LTBP1: variants seen among roughly 807,000 people sequenced by gnomAD.
The protein encoded by LTBP1 is latent-transforming growth factor beta-binding protein 1.
Under a neutral mutation model 207.6 loss-of-function variants are expected in LTBP1, and 129 were observed. The ratio of observed to expected loss-of-function variants is 0.62; its 90% CI spans 0.54 to 0.72. LTBP1 has a LOEUF of 0.72. Ranked by LOEUF, LTBP1 falls within the 30% of genes least tolerant of loss-of-function variation. The pLI, the probability that LTBP1 is intolerant of heterozygous loss-of-function variation, is 0.00. For missense variants in LTBP1, 2,281 were observed against 2,217.2 expected, an observed-to-expected ratio of 1.03 and a Z score of -0.58; for synonymous variants, 963 against 833.7, an observed-to-expected ratio of 1.16 and a Z score of -2.67.
intron 19 of LTBP1, among the ~76,000 whole-genome samples, chr2:33,285,023 A>G (rs1257751747): frequency 2.1e-5 from 3 of 146,214 alleles, no homozygotes; most frequent in Non-Finnish European, 4.5e-5. Context: ...AAAGTAAGTT[A>G]TGTATCACAT....
At chr2:33,388,235 G>C (rs1410767142) in intron 31 of LTBP1, among the ~76,000 whole-genome samples, 1 of 152,182 alleles carries the variant, frequency 6.6e-6, no homozygotes, top group Non-Finnish European at 1.5e-5. Context: ...GAGTCTAGGA[G>C]TCAGGGGGCC....
At chr2:33,169,204 G>A (rs952460091) in intron 5 of LTBP1, among the ~76,000 whole-genome samples, 7 of 152,156 alleles carry the variant, frequency 4.6e-5, no homozygotes, top group African/African-American at 7.2e-5. Flanking sequence ...CATGGGGAAC[G>A]TTTCTCTGCT....
At chr2:33,180,597 A>C (rs1284315275) in intron 5 of LTBP1, among the ~76,000 whole-genome samples, 1 of 151,788 alleles carries the variant, frequency 6.6e-6, no homozygotes, top group Non-Finnish European at 1.5e-5. Flanking sequence ...GACTACAGGT[A>C]CATGCCACCA....
chr2:33,209,915 G>T (rs17012668), intron 7 of LTBP1, among the ~76,000 whole-genome samples: 21,421 of 152,210 alleles, frequency 0.14, 1,923 homozygotes, highest in East Asian at 0.29. Context: ...GATGTCTCTA[G>T]TGCCATTTTA....
chr2:33,396,409 A>G (rs1475500370), intron 32 of LTBP1, among the ~76,000 whole-genome samples: 1 of 152,048 alleles, frequency 6.6e-6, no homozygotes, highest in East Asian at 1.9e-4. Flanking sequence ...TTTAGTAGAG[A>G]CAGGGTTTCA....
At chr2:33,309,782 C>A (rs1487182881) in intron 23 of LTBP1, among the ~76,000 whole-genome samples, 1 of 152,236 alleles carries the variant, frequency 6.6e-6, no homozygotes, top group African/African-American at 2.4e-5. Context: ...TGTGTCCTCA[C>A]TGCGTGCTTC....
intron 9 of LTBP1, among the ~76,000 whole-genome samples, chr2:33,241,471 G>C (rs1266117098): frequency 6.6e-6 from 1 of 152,216 alleles, no homozygotes; most frequent in East Asian, 1.9e-4. Flanking sequence ...GGCATTGGTT[G>C]TAAATCAGGT....
intron 31 of LTBP1, among the ~76,000 whole-genome samples, chr2:33,376,856 G>A (rs560466896): frequency 6.6e-6 from 1 of 152,140 alleles, no homozygotes; most frequent in African/African-American, 2.4e-5. Flanking sequence ...TTTGTGAAAG[G>A]GGCCAAATAA....
At chr2:33,178,525 A>C (rs959818769) in intron 5 of LTBP1, among the ~76,000 whole-genome samples, 1 of 149,936 alleles carries the variant, frequency 6.7e-6, no homozygotes, top group Admixed American at 6.6e-5. Flanking sequence ...AGCATTAAAA[A>C]TTTGTGGTAT....
At chr2:33,273,240 G>C (rs1325158078) in intron 15 of LTBP1, among the ~76,000 whole-genome samples, 1 of 152,042 alleles carries the variant, frequency 6.6e-6, no homozygotes, top group Non-Finnish European at 1.5e-5. Flanking sequence ...AAGTTACAAT[G>C]TGTTTCTTAT....
chr2:33,087,204 A>G (rs1168919759), intron 3 of LTBP1, among the ~76,000 whole-genome samples: 1 of 148,534 alleles, frequency 6.7e-6, no homozygotes, highest in Non-Finnish European at 1.5e-5. Context: ...CCTCACGAGT[A>G]TCTGGGACTA....
At chr2:33,390,776 C>G (rs925665837) in intron 32 of LTBP1, among the ~76,000 whole-genome samples, 13 of 152,096 alleles carry the variant, frequency 8.5e-5, no homozygotes, top group Admixed American at 2.0e-4. Flanking sequence ...TGTGAGCCAC[C>G]ATGCCTGGCC....
At chr2:33,176,557 G>A (rs114866753) in intron 5 of LTBP1, among the ~76,000 whole-genome samples, 1,673 of 152,172 alleles carry the variant, frequency 0.011, 31 homozygotes, top group African/African-American at 0.038. Context: ...TTAATATAGT[G>A]CTATTGACGT....
chr2:32,991,161 C>A (rs557031265), intron 2 of LTBP1, among the ~76,000 whole-genome samples: 6 of 152,230 alleles, frequency 3.9e-5, no homozygotes, highest in African/African-American at 1.4e-4. Flanking sequence ...CAAAAAGTTA[C>A]GAAACAGAAG....
At chr2:33,032,119 ATCTC>A (rs1156469926) in intron 3 of LTBP1, among the ~76,000 whole-genome samples, 4 of 152,030 alleles carry the variant, frequency 2.6e-5, no homozygotes, top group Non-Finnish European at 4.4e-5. Context: ...TCTAATGTTG[ATCTC>A]TCTCTCTACC....
At position 32,947,702 on chromosome 2, in the gene LTBP1, G is replaced by T. The variant is rs756735426; in HGVS notation, c.378G>T (p.Pro126=). The stretch of plus-strand genomic sequence containing the variant: ...TCCACCCCAATCCCGGCGGCCACCC[G>T]GCAGCCGCCCCGTTCACCAAACAAG... ...GQLHPNPGGH[P]AAAPFTKQGR... Residue 126 remains proline (P), a synonymous_variant, in exon 1 of 34, where the codon CCG becomes CCT. Coordinates refer to ENST00000404816, the MANE Select transcript of LTBP1 (RefSeq NM_206943.4). The T allele has an allele frequency of 2.0e-6, 3 of 1,521,962 alleles. No individual in the cohort carries two copies. The highest frequency in any genetic ancestry group is 2.9e-5 in the African/African-American group (2 of 69,574). 94.3% of individuals were successfully genotyped at this position (1,521,962 alleles called of 1,614,324 possible).
chr2:33,250,825 A>G (rs2092662295), intron 10 of LTBP1, among the ~76,000 whole-genome samples: 1 of 152,050 alleles, frequency 6.6e-6, no homozygotes, highest in Non-Finnish European at 1.5e-5. Context: ...ACGTACCACT[A>G]CCATCACAGC....
chr2:33,280,304 A>C, intron 19 of LTBP1, 146 bp downstream of exon 19: 2 of 763,746 alleles, frequency 2.6e-6, no homozygotes, highest in Non-Finnish European at 3.8e-6. Context: ...AGTAACTTTT[A>C]ACCATTGAGA....
At chr2:33,334,025 A>G (rs543818195) in intron 24 of LTBP1, among the ~76,000 whole-genome samples, 12 of 152,356 alleles carry the variant, frequency 7.9e-5, no homozygotes, top group African/African-American at 2.9e-4. Context: ...GAGAGTGGTC[A>G]ACCGCATTGA....
Sources: allele counts gnomAD v4.1 joint callset (sites outside exome capture counted in the v4.1 genomes callset), GRCh38; gene constraint gnomAD v4.1.1; transcripts MANE v1.5; gene names NCBI Gene and HGNC (gene_info 2026-07-23, HGNC 2026-07-21).